HRK: variants seen among roughly 807,000 people sequenced by gnomAD.
HRK encodes harakiri, BCL2 interacting protein.
In HRK, 6 loss-of-function variants were observed where a neutral mutation model predicts 5.9. That is an observed-to-expected ratio of 1.02 (90% CI 0.56 to 2.01). The LOEUF (loss-of-function observed/expected upper bound fraction) is 2.01, where lower values mean the gene tolerates loss of function less well. Among genes scored for constraint, HRK ranks in the 30% most tolerant of loss-of-function variants. HRK has a pLI of 0.00. For missense variants in HRK, 133 were observed against 128.3 expected (o/e 1.04, Z -0.18); for synonymous variants, 85 against 65.1 (o/e 1.31, Z -1.47).
In HRK at chr12:116,862,040, C is replaced by A. The variant is rs1289664064; in HGVS notation, c.*57-574G>T. 7.9e-5 allele frequency among the ~76,000 whole-genome samples: 12 copies of A among 152,172 alleles called. No homozygotes were observed. The highest frequency in any genetic ancestry group is 1.3e-4 in the Non-Finnish European group (9 of 68,038). On this transcript the variant is annotated intron_variant, in intron 1 of 1. Transcript: ENST00000257572. This position sits in a 1 kb window ranked among gnomAD's most constrained non-coding sequence, Gnocchi z 4.0. Reference sequence around the variant, plus strand: ...ATGGGAAGAAGTGGATAATGACAGTCCCATGTAAAGAGCACATGCAGTCTG... The same window carrying A: ...ATGGGAAGAAGTGGATAATGACAGTACCATGTAAAGAGCACATGCAGTCTG...
At chr12:116,875,840 G>A (rs191440909) in intron 1 of HRK, among the ~76,000 whole-genome samples, 8 of 152,096 alleles carry the variant, frequency 5.3e-5, no homozygotes, top group Admixed American at 1.3e-4. Context: ...CAGCATACCC[G>A]GCTGATGTTG....
intron 1 of HRK, among the ~76,000 whole-genome samples, chr12:116,870,189 G>A (rs1022615888): frequency 1.3e-5 from 2 of 152,142 alleles, no homozygotes; most frequent in South Asian, 4.1e-4. Flanking sequence ...ACCCAGGCAA[G>A]CCATTTTGTC....
At chr12:116,876,957 G>A (rs1221464514) in intron 1 of HRK, among the ~76,000 whole-genome samples, 1 of 152,202 alleles carries the variant, frequency 6.6e-6, no homozygotes, top group Non-Finnish European at 1.5e-5. Context: ...TCACTTAGGT[G>A]GATGCTCTCT....
At chr12:116,870,288 C>A (rs985812966) in intron 1 of HRK, among the ~76,000 whole-genome samples, 3 of 152,148 alleles carry the variant, frequency 2.0e-5, no homozygotes, top group Non-Finnish European at 1.5e-5. Flanking sequence ...GAACATGATT[C>A]CTGCCCCCAG....
chr12:116,862,056 A>G lies in HRK; in HGVS notation c.*57-590T>C, dbSNP rs1878385440. 6.6e-6 allele frequency among the ~76,000 whole-genome samples: 1 copy of G among 152,252 alleles called. No individual in the cohort carries two copies. Among genetic ancestry groups the G allele is most frequent in the Non-Finnish European group, 1.5e-5 (1 of 68,048 alleles). ...AATGACAGTCCCATGTAAAGAGCAC[A>G]TGCAGTCTGGGGAAACGTGGTCTAT... On this transcript the variant is annotated intron_variant, in intron 1 of 1. Coordinates refer to ENST00000257572, the MANE Select transcript of HRK (RefSeq NM_003806.4). The surrounding 1 kb of genome is among the most constrained non-coding windows in gnomAD (Gnocchi z 4.0).
In HRK at chr12:116,878,123, C is replaced by T. The variant is rs1278578240; in HGVS notation, c.*56+2853G>A. On this transcript the variant is annotated intron_variant, in intron 1 of 1. Transcript: ENST00000257572. The surrounding 1 kb of genome is among the most constrained non-coding windows in gnomAD (Gnocchi z 4.4). ...TAGAGATGGGGTTTCACCATGTTGG[C>T]CATGCTGGTCTCAAACTCCTGACCT... Among the ~76,000 whole-genome samples the T allele has an allele frequency of 6.6e-6, 1 of 152,198 alleles. No homozygotes were observed. The highest frequency in any genetic ancestry group is 1.5e-5 in the Non-Finnish European group (1 of 68,046).
chr12:116,870,915 T>C lies in HRK; in HGVS notation c.*57-9449A>G, dbSNP rs1271355496. 3.3e-5 allele frequency among the ~76,000 whole-genome samples: 5 copies of C among 152,166 alleles called. No individual in the cohort carries two copies. The East Asian group carries it at 9.6e-4, about 29-fold the overall frequency. On this transcript the variant is annotated intron_variant, in intron 1 of 1. Coordinates refer to ENST00000257572, the MANE Select transcript of HRK (RefSeq NM_003806.4). Reference sequence around the variant, plus strand: ...CTTTATAATACAAGAATGCTAACTATGTTTTTTGTTTGTTTGTATTTGAGA... The same window carrying C: ...CTTTATAATACAAGAATGCTAACTACGTTTTTTGTTTGTTTGTATTTGAGA...
chr12:116,864,688 T>C (rs1878475924), intron 1 of HRK, among the ~76,000 whole-genome samples: 1 of 152,162 alleles, frequency 6.6e-6, no homozygotes, highest in Non-Finnish European at 1.5e-5. Context: ...GGCCAGGTGC[T>C]ATGGCTCACG....
rs1192621101 is a variant in HRK at position 116,859,210 on chromosome 12, T to C, written c.*2313A>G. On this transcript the variant is annotated 3_prime_UTR_variant, in exon 2 of 2. Coordinates refer to ENST00000257572, the MANE Select transcript of HRK (RefSeq NM_003806.4). ...TGCCAACCCCAGCGTTTGGAGTTTGTATCCTCCAGGGGAAACATCAAAAGC... is the reference window on the plus strand; with the variant it reads ...TGCCAACCCCAGCGTTTGGAGTTTGCATCCTCCAGGGGAAACATCAAAAGC... The C allele has an allele frequency of 6.6e-6, 1 of 152,126 alleles. No homozygotes were observed. The highest frequency in any genetic ancestry group is 6.5e-5 in the Admixed American group (1 of 15,270). The allele number at this position is 152,126 out of a possible 1,614,324, so 9.4% of individuals were successfully genotyped here. A position where few individuals can be genotyped will look rare whatever the true frequency, so the allele number is the denominator to read the frequency against.
rs960038702 is a variant in HRK at position 116,858,974 on chromosome 12, T to G, written c.*2549A>C. The stretch of plus-strand genomic sequence containing the variant: ...TCAAATCTCATATAAAAACAAGCAT[T>G]AAAAACAACCCCGTGTCAAAAATCG... On this transcript the variant is annotated 3_prime_UTR_variant, in exon 2 of 2. Transcript: ENST00000257572. 8 of 152,006 alleles carry G rather than the reference T, an allele frequency of 5.3e-5. No homozygotes were observed. Among genetic ancestry groups the G allele is most frequent in the African/African-American group, 1.9e-4 (8 of 41,374 alleles). 9.4% of individuals were successfully genotyped at this position (152,006 alleles called of 1,614,324 possible). A position where few individuals can be genotyped will look rare whatever the true frequency, so the allele number is the denominator to read the frequency against.
At chr12:116,868,610 G>T (rs1490885459) in intron 1 of HRK, among the ~76,000 whole-genome samples, 1 of 152,218 alleles carries the variant, frequency 6.6e-6, no homozygotes. Flanking sequence ...GATGAAATCA[G>T]CCATGTTATT....
rs201628491 is a variant in HRK, at chr12:116,866,157, C to A, written c.*57-4691G>T. On this transcript the variant is annotated intron_variant, in intron 1 of 1. Coordinates refer to ENST00000257572, the MANE Select transcript of HRK (RefSeq NM_003806.4). Reference sequence around the variant, plus strand: ...TGGGAGAGAGAGCAAGATTCCATCTCAAAAAAAAAAAAAAAAAAGCAGTTT... The same window carrying A: ...TGGGAGAGAGAGCAAGATTCCATCTAAAAAAAAAAAAAAAAAAAGCAGTTT... 9.1e-3 allele frequency among the ~76,000 whole-genome samples: 837 copies of A among 92,044 alleles called. 1 individual carries two copies. Among genetic ancestry groups the A allele is most frequent in the Middle Eastern group, 0.013 (2 of 150 alleles). 60.4% of individuals were successfully genotyped at this position (92,044 alleles called of 152,430 possible).
chr12:116,871,527 C>T (rs1878747560), intron 1 of HRK, among the ~76,000 whole-genome samples: 1 of 150,772 alleles, frequency 6.6e-6, no homozygotes, highest in Non-Finnish European at 1.5e-5. Flanking sequence ...TGGTCTTGAA[C>T]TCCTGACCTC....
rs1239907769 is a variant in HRK, at chr12:116,862,979, C to A, written c.*57-1513G>T. Among the ~76,000 whole-genome samples, 2 of 152,136 alleles carry A rather than the reference C, an allele frequency of 1.3e-5. No homozygotes were observed. The highest frequency in any genetic ancestry group is 2.9e-5 in the Non-Finnish European group (2 of 68,026). The stretch of plus-strand genomic sequence containing the variant: ...TCTTGAACTCCTATCTTCAAGTGAT[C>A]CACCCACCTCAGCCTCCCAAAGTGC... On this transcript the variant is annotated intron_variant, in intron 1 of 1. Transcript: ENST00000257572. The surrounding 1 kb of genome is among the most constrained non-coding windows in gnomAD (Gnocchi z 4.0).
rs780861711 is a variant in HRK at position 116,880,954 on chromosome 12, TCTCG to T, written c.*56+18_*56+21del. 225 of 1,130,196 alleles carry T rather than the reference TCTCG, an allele frequency of 2.0e-4. No individual in the cohort carries two copies. Among genetic ancestry groups the T allele is most frequent in the South Asian group, 5.4e-4 (18 of 33,318 alleles). The allele number at this position is 1,130,196 out of a possible 1,614,324, so 70.0% of individuals were successfully genotyped here. ...CAGTGCCCAGCTGCCGCGCCCCGGC[TCTCG>T]CTCGCTCGCTCGCGTACCTGTTGCT... On this transcript the variant is annotated intron_variant, in intron 1 of 1. Transcript: ENST00000257572.
At chr12:116,864,132 GT>G (rs1225001755) in intron 1 of HRK, among the ~76,000 whole-genome samples, 10 of 152,302 alleles carry the variant, frequency 6.6e-5, no homozygotes, top group African/African-American at 2.4e-4. Context: ...TCTAAATTTA[GT>G]TTATGAAACC....
At position 116,879,064 on chromosome 12, in the gene HRK, G is replaced by C. The variant is rs561562118; in HGVS notation, c.*56+1912C>G. 1.0e-4 allele frequency: 15 copies of C among 150,666 alleles called. No homozygotes were observed. Among genetic ancestry groups the C allele is most frequent in the African/African-American group, 3.6e-4 (15 of 41,156 alleles). The allele number at this position is 150,666 out of a possible 1,614,324, so 9.3% of individuals were successfully genotyped here. A position where few individuals can be genotyped will look rare whatever the true frequency, so the allele number is the denominator to read the frequency against. On this transcript the variant is annotated intron_variant, in intron 1 of 1. Coordinates refer to ENST00000257572, the MANE Select transcript of HRK (RefSeq NM_003806.4). The surrounding 1 kb of genome is among the most constrained non-coding windows in gnomAD (Gnocchi z 5.6). The stretch of plus-strand genomic sequence containing the variant: ...CAGGCCCCGGGAGCATTCCCACCCC[G>C]ACACTCACACACCGGCAAACAGGAA...
intron 1 of HRK, among the ~76,000 whole-genome samples, chr12:116,880,121 C>G (rs1312163613): frequency 2.0e-5 from 3 of 151,754 alleles, no homozygotes; most frequent in Non-Finnish European, 2.9e-5. Flanking sequence ...ACTAGGTGCT[C>G]AGTACCCACT....
rs545068026 is a variant in HRK, at chr12:116,862,308, G to A, written c.*57-842C>T. Among the ~76,000 whole-genome samples, 18 of 152,234 alleles carry A rather than the reference G, an allele frequency of 1.2e-4. No individual in the cohort carries two copies. The South Asian group carries it at 2.9e-3, about 25-fold the overall frequency. ...AGAATTATCCATAATAGCAAAATAC[G>A]GAAACAACCCAAATGTCCATCAACT... is the stretch of plus-strand genomic sequence containing the variant. On this transcript the variant is annotated intron_variant, in intron 1 of 1. Transcript: ENST00000257572. This position sits in a 1 kb window ranked among gnomAD's most constrained non-coding sequence, Gnocchi z 4.0.
Sources: allele counts gnomAD v4.1 joint callset (sites outside exome capture counted in the v4.1 genomes callset), GRCh38; gene constraint gnomAD v4.1.1; non-coding constraint Gnocchi (gnomAD v3.1); transcripts MANE v1.5; gene names NCBI Gene and HGNC (gene_info 2026-07-23, HGNC 2026-07-21).